The following MED9 variants were observed in gnomAD, a reference collection of about 807,000 sequenced individuals.
The protein encoded by MED9 is mediator complex subunit 9.
MED9 carries 8 observed loss-of-function variants against 13.2 expected under a neutral mutation model. That is an observed-to-expected ratio of 0.61 (90% CI 0.36 to 1.10). The LOEUF (loss-of-function observed/expected upper bound fraction) is 1.10. Ranked by LOEUF, MED9 falls within the 50% of genes least tolerant of loss-of-function variation. MED9 has a pLI of 0.02. For synonymous variants in MED9, 87 were observed against 82.8 expected (o/e 1.05, Z -0.28); for missense variants, 180 against 193.4 (o/e 0.93, Z 0.41).
In MED9 at chr17:17,491,704, A is replaced by AT; in HGVS notation, c.*210dup. The AT allele has an allele frequency of 1.8e-6, 1 of 559,722 alleles. No homozygotes were observed. Among genetic ancestry groups the AT allele is most frequent in the Non-Finnish European group, 3.2e-6 (1 of 315,948 alleles). The allele number at this position is 559,722 out of a possible 1,614,324, so 34.7% of individuals were successfully genotyped here. A position where few individuals can be genotyped will look rare whatever the true frequency, so the allele number is the denominator to read the frequency against. ...CGCCGGGGGTTCCTCGTGTAGATCCATATGTCTAGATGCATAATAACTGGA... is the reference window on the plus strand; with the variant it reads ...CGCCGGGGGTTCCTCGTGTAGATCCATTATGTCTAGATGCATAATAACTGGA... On this transcript the variant is annotated 3_prime_UTR_variant, in exon 2 of 2. Coordinates refer to ENST00000268711, the MANE Select transcript of MED9 (RefSeq NM_018019.3).
intron 1 of MED9, among the ~76,000 whole-genome samples, chr17:17,482,984 C>A (rs1476078381): frequency 1.3e-5 from 2 of 152,180 alleles, no homozygotes; most frequent in Non-Finnish European, 2.9e-5. Context: ...ATTTAATTAT[C>A]TTTTAAGGTT....
Position 17,491,568 on chromosome 17 carries a change from T to C in MED9, c.*73T>C, listed in dbSNP as rs1905229187. The stretch of plus-strand genomic sequence containing the variant: ...CCCCACTACCATCCCCAAACGCTCC[T>C]TGGGGCGTGGTTCCTGTGGACCCCA... On this transcript the variant is annotated 3_prime_UTR_variant, in exon 2 of 2. Coordinates refer to ENST00000268711, the MANE Select transcript of MED9 (RefSeq NM_018019.3). 5 of 1,402,844 alleles carry C rather than the reference T, an allele frequency of 3.6e-6. No homozygotes were observed. Among genetic ancestry groups the C allele is most frequent in the Non-Finnish European group, 5.0e-6 (5 of 1,002,728 alleles). 86.9% of individuals were successfully genotyped at this position (1,402,844 alleles called of 1,614,324 possible).
intron 1 of MED9, among the ~76,000 whole-genome samples, chr17:17,482,200 A>C (rs747298698): frequency 1.8e-4 from 27 of 152,130 alleles, no homozygotes; most frequent in Non-Finnish European, 3.5e-4. Flanking sequence ...TGCCCATGCT[A>C]TCTTGGTGAA....
At chr17:17,487,535 A>T (rs571990757) in intron 1 of MED9, 42 of 158,528 alleles carry the variant, frequency 2.6e-4, no homozygotes, top group African/African-American at 8.4e-4. Context: ...GAAGGTCTGC[A>T]GCTTCCCTCC....
At chr17:17,485,386 G>A in intron 1 of MED9, 1 of 398,450 alleles carries the variant, frequency 2.5e-6, no homozygotes, top group Non-Finnish European at 4.4e-6. Context: ...GCCGCCATCT[G>A]GGATTTTTAA....
chr17:17,490,138 TA>T (rs1905203676), intron 1 of MED9, among the ~76,000 whole-genome samples: 1 of 152,182 alleles, frequency 6.6e-6, no homozygotes, highest in Non-Finnish European at 1.5e-5. Flanking sequence ...TACTAACTTT[TA>T]AAAAACGTAT....
At chr17:17,489,754 G>A (rs1905197709) in intron 1 of MED9, among the ~76,000 whole-genome samples, 1 of 152,198 alleles carries the variant, frequency 6.6e-6, no homozygotes, top group African/African-American at 2.4e-5. Context: ...TCTCAGTTGA[G>A]GGCATCATTT....
intron 1 of MED9, chr17:17,486,948 G>A (rs190947673): frequency 2.0e-5 from 3 of 152,420 alleles, no homozygotes; most frequent in Admixed American, 2.0e-4. Flanking sequence ...CTCTGGTGGG[G>A]ACGTGGAGAA....
chr17:17,491,732 G>C lies in MED9; in HGVS notation c.*237G>C, dbSNP rs972774381. On this transcript the variant is annotated 3_prime_UTR_variant, in exon 2 of 2. Coordinates refer to ENST00000268711, the MANE Select transcript of MED9 (RefSeq NM_018019.3). ...TGTCTAGATGCATAATAACTGGAGTGCCTGCTGGTGGAAGTCAGAATGCTC... is the reference window on the plus strand; with the variant it reads ...TGTCTAGATGCATAATAACTGGAGTCCCTGCTGGTGGAAGTCAGAATGCTC... 13 of 513,476 alleles carry C rather than the reference G, an allele frequency of 2.5e-5. No homozygotes were observed. Among genetic ancestry groups the C allele is most frequent in the Middle Eastern group, 5.4e-4 (1 of 1,858 alleles). 31.8% of individuals were successfully genotyped at this position (513,476 alleles called of 1,614,324 possible).
intron 1 of MED9, chr17:17,477,607 CACTTT>C (rs1395343401): frequency 1.2e-5 from 3 of 240,108 alleles, no homozygotes; most frequent in Non-Finnish European, 2.4e-5. Flanking sequence ...TGGTAATACT[CACTTT>C]AGTTCCTTAG....
rs1567640946 is a variant in MED9 at position 17,491,544 on chromosome 17, C to G, written c.*49C>G. The G allele has an allele frequency of 3.3e-6, 5 of 1,515,960 alleles. No homozygotes were observed. Among genetic ancestry groups the G allele is most frequent in the Non-Finnish European group, 4.6e-6 (5 of 1,095,140 alleles). 93.9% of individuals were successfully genotyped at this position (1,515,960 alleles called of 1,614,324 possible). On this transcript the variant is annotated 3_prime_UTR_variant, in exon 2 of 2. Coordinates refer to ENST00000268711, the MANE Select transcript of MED9 (RefSeq NM_018019.3). ...GAGGGGGAAGCCAATGGCCTGTCTCCCCACTACCATCCCCAAACGCTCCTT... is the reference window on the plus strand; with the variant it reads ...GAGGGGGAAGCCAATGGCCTGTCTCGCCACTACCATCCCCAAACGCTCCTT...
At chr17:17,478,597 T>C (rs182792723) in intron 1 of MED9, among the ~76,000 whole-genome samples, 28 of 152,316 alleles carry the variant, frequency 1.8e-4, no homozygotes, top group African/African-American at 5.1e-4. Context: ...TGGTGTCTCA[T>C]GCCTGTAATC....
At chr17:17,478,634 C>T (rs1000411298) in intron 1 of MED9, among the ~76,000 whole-genome samples, 31 of 152,072 alleles carry the variant, frequency 2.0e-4, no homozygotes, top group Non-Finnish European at 1.5e-4. Context: ...CCAAGGCGGG[C>T]GGATCACGAG....
rs1488852344 is a variant in MED9 at position 17,492,480 on chromosome 17, C to G, written c.*985C>G. On this transcript the variant is annotated 3_prime_UTR_variant, in exon 2 of 2. Coordinates refer to ENST00000268711, the MANE Select transcript of MED9 (RefSeq NM_018019.3). Reference sequence around the variant, plus strand: ...AGAGAGGCAACCCTGGGGGCCAGTTCAGGTGGTCCCCAACCATAAGCTAGG... The same window carrying G: ...AGAGAGGCAACCCTGGGGGCCAGTTGAGGTGGTCCCCAACCATAAGCTAGG... 6.6e-6 allele frequency: 1 copy of G among 151,994 alleles called. No homozygotes were observed. Among genetic ancestry groups the G allele is most frequent in the African/African-American group, 2.4e-5 (1 of 41,210 alleles). 9.4% of individuals were successfully genotyped at this position (151,994 alleles called of 1,614,324 possible). A position where few individuals can be genotyped will look rare whatever the true frequency, so the allele number is the denominator to read the frequency against.
At chr17:17,490,482 T>G (rs1905209603) in intron 1 of MED9, among the ~76,000 whole-genome samples, 1 of 152,160 alleles carries the variant, frequency 6.6e-6, no homozygotes, top group Admixed American at 6.5e-5. Flanking sequence ...CCAGGCTGTT[T>G]TTTTGATCTT....
At chr17:17,478,520 C>T (rs956519186) in intron 1 of MED9, among the ~76,000 whole-genome samples, 3 of 152,170 alleles carry the variant, frequency 2.0e-5, no homozygotes, top group Non-Finnish European at 4.4e-5. Flanking sequence ...AGGCTTTGTT[C>T]TCACATTAGA....
chr17:17,491,168 A>T, intron 1 of MED9, 111 bp from the exon 2 acceptor site: 4 of 1,036,554 alleles, frequency 3.9e-6, no homozygotes, highest in Non-Finnish European at 4.4e-6. Context: ...ACATAAAACG[A>T]AGTGTTCTAA....
intron 1 of MED9, among the ~76,000 whole-genome samples, chr17:17,490,790 C>T (rs143615775): frequency 0.014 from 2,089 of 152,340 alleles, 21 homozygotes; most frequent in Non-Finnish European, 0.018. Context: ...CCTGATTGGC[C>T]TAGAAATGGC....
At chr17:17,482,929 C>T (rs1486687128) in intron 1 of MED9, among the ~76,000 whole-genome samples, 1 of 152,166 alleles carries the variant, frequency 6.6e-6, no homozygotes, top group Admixed American at 6.5e-5. Context: ...ACATTCTCTC[C>T]TTCTCCAGCA....
Sources: allele counts gnomAD v4.1 joint callset (sites outside exome capture counted in the v4.1 genomes callset), GRCh38; gene constraint gnomAD v4.1.1; transcripts MANE v1.5; gene names NCBI Gene and HGNC (gene_info 2026-07-23, HGNC 2026-07-21).